NLGN1: variants seen among roughly 807,000 people sequenced by gnomAD.
NLGN1 encodes neuroligin-1.
Under a neutral mutation model 65.5 loss-of-function variants are expected in NLGN1, and 12 were observed. That is an observed-to-expected ratio of 0.18 (90% CI 0.12 to 0.30). The LOEUF (loss-of-function observed/expected upper bound fraction) is 0.30, where lower values mean the gene tolerates loss of function less well. Among genes scored for constraint, NLGN1 ranks in the 10% least tolerant of loss-of-function variants. NLGN1 has a pLI of 1.00. For missense variants in NLGN1, 750 were observed against 1,007.1 expected (o/e 0.74, Z 3.46); for synonymous variants, 350 against 359.5 (o/e 0.97, Z 0.30).
intron 3 of NLGN1, among the ~76,000 whole-genome samples, chr3:173,685,025 A>G (rs1476825455): frequency 2.0e-5 from 3 of 151,112 alleles, no homozygotes; most frequent in East Asian, 3.9e-4. Flanking sequence ...TGAATCCTCT[A>G]TGCCCGGTAT....
chr3:173,439,217 T>G (rs1049427788), intron 2 of NLGN1, among the ~76,000 whole-genome samples: 5 of 152,196 alleles, frequency 3.3e-5, no homozygotes, highest in African/African-American at 1.2e-4. Context: ...TCTTAACACC[T>G]GTTCAAGAAG....
At position 173,913,598 on chromosome 3, in the gene NLGN1, C is replaced by T. The variant is rs114316931; in HGVS notation, c.646+105766C>T. Among the ~76,000 whole-genome samples the T allele has an allele frequency of 3.3e-3, 499 of 152,228 alleles. 5 individuals carry two copies. The highest frequency in any genetic ancestry group is 0.011 in the African/African-American group (459 of 41,544). Reference sequence around the variant, plus strand: ...TCAGTGAATGCTGACATGCTTTCCTCTCTCAACATCCCAGCTAAACTGGCT... The same window carrying T: ...TCAGTGAATGCTGACATGCTTTCCTTTCTCAACATCCCAGCTAAACTGGCT... On this transcript the variant is annotated intron_variant, in intron 4 of 6. Coordinates refer to ENST00000457714, the Ensembl canonical transcript of NLGN1.
rs1474718743 is a variant in NLGN1 at position 174,284,953 on chromosome 3, TAAAAA to T, written c.*3651_*3655del. 3.3e-5 allele frequency: 5 copies of T among 151,298 alleles called. No individual in the cohort carries two copies. In the East Asian group the frequency reaches 9.7e-4, roughly 29 times the overall value. The allele number at this position is 151,298 out of a possible 1,614,324, so 9.4% of individuals were successfully genotyped here. A position where few individuals can be genotyped will look rare whatever the true frequency, so the allele number is the denominator to read the frequency against. On this transcript the variant is annotated 3_prime_UTR_variant, in exon 7 of 7. Coordinates refer to ENST00000457714, the Ensembl canonical transcript of NLGN1. ...AAAAATTATCAAGTATATATAATAT[TAAAAA>T]GAGGAAAACAGATGGCACTAATTTT... is the stretch of plus-strand genomic sequence containing the variant.
intron 2 of NLGN1, among the ~76,000 whole-genome samples, chr3:173,453,825 G>C (rs1020364501): frequency 1.3e-5 from 2 of 152,076 alleles, no homozygotes; most frequent in African/African-American, 4.8e-5. Context: ...ACTTCTTTCT[G>C]CTAATGTTTA....
chr3:173,635,050 A>G (rs2149559958), intron 3 of NLGN1, among the ~76,000 whole-genome samples: 1 of 152,290 alleles, frequency 6.6e-6, no homozygotes, highest in East Asian at 1.9e-4. Context: ...AAAAAAAGTT[A>G]ATAAAACTCT....
chr3:174,285,441 T>G (rs1232837117), exon 7 of NLGN1: 1 of 151,502 alleles, frequency 6.6e-6, no homozygotes, highest in Non-Finnish European at 1.5e-5. Context: ...ATCATTCATT[T>G]GATTATCTTG....
intron 4 of NLGN1, among the ~76,000 whole-genome samples, chr3:173,918,744 A>C (rs1741324954): frequency 6.9e-6 from 1 of 145,618 alleles, no homozygotes; most frequent in Admixed American, 7.0e-5. Flanking sequence ...CTTCTAGTCC[A>C]TTTATTGCCT....
chr3:173,585,225 G>C (rs1000971870), intron 2 of NLGN1, among the ~76,000 whole-genome samples: 1 of 152,118 alleles, frequency 6.6e-6, no homozygotes, highest in East Asian at 1.9e-4. Context: ...TGGCGTCGGT[G>C]GGGGAGCCAA....
At chr3:174,062,519 A>G (rs560091399) in intron 4 of NLGN1, among the ~76,000 whole-genome samples, 18 of 152,194 alleles carry the variant, frequency 1.2e-4, no homozygotes, top group African/African-American at 3.1e-4. Flanking sequence ...TTAAATGCCA[A>G]CTAAGAAGAC....
At chr3:173,514,143 A>G (rs924636140) in intron 2 of NLGN1, among the ~76,000 whole-genome samples, 5 of 152,234 alleles carry the variant, frequency 3.3e-5, no homozygotes, top group Non-Finnish European at 5.9e-5. Context: ...TGAATGAATC[A>G]TATGAGATTT....
intron 3 of NLGN1, among the ~76,000 whole-genome samples, chr3:173,781,198 A>G (rs1429647696): frequency 1.3e-5 from 2 of 151,690 alleles, no homozygotes; most frequent in African/African-American, 2.4e-5. Context: ...TAAAAATCCA[A>G]CCCATTTCTC....
intron 4 of NLGN1, among the ~76,000 whole-genome samples, chr3:173,986,394 A>G (rs1719927288): frequency 1.3e-5 from 2 of 151,846 alleles, no homozygotes; most frequent in Admixed American, 1.3e-4. Flanking sequence ...GCTCAAACCC[A>G]GGAGGCAGAG....
chr3:173,539,717 T>C (rs1458359298), intron 2 of NLGN1, among the ~76,000 whole-genome samples: 1 of 129,696 alleles, frequency 7.7e-6, no homozygotes, highest in East Asian at 2.2e-4. Flanking sequence ...TACATATATG[T>C]ACATATGCAC....
intron 3 of NLGN1, among the ~76,000 whole-genome samples, chr3:173,671,584 ACTT>A (rs1161094430): frequency 6.6e-6 from 1 of 152,178 alleles, no homozygotes. Context: ...TTGCAACAAT[ACTT>A]CTCCTGCCAC....
chr3:173,517,668 A>G lies in NLGN1; in HGVS notation c.-321+82590A>G, dbSNP rs918944326. On this transcript the variant is annotated intron_variant, in intron 2 of 6. Transcript: ENST00000457714. The stretch of plus-strand genomic sequence containing the variant: ...TACAGTCTATGTATTCTCAACATCT[A>G]TGTTTATATGTATGTGATTCTTTAA... Among the ~76,000 whole-genome samples the G allele has an allele frequency of 1.3e-5, 2 of 152,018 alleles. 1 individual carries two copies. The highest frequency in any genetic ancestry group is 2.9e-5 in the Non-Finnish European group (2 of 67,966).
At chr3:173,698,607 T>C (rs1053565466) in intron 3 of NLGN1, among the ~76,000 whole-genome samples, 1 of 152,196 alleles carries the variant, frequency 6.6e-6, no homozygotes, top group African/African-American at 2.4e-5. Context: ...CCGTGGAATA[T>C]ACAAAAAAAT....
At chr3:173,737,894 T>A (rs111302366) in intron 3 of NLGN1, among the ~76,000 whole-genome samples, 2,601 of 152,102 alleles carry the variant, frequency 0.017, 82 homozygotes, top group African/African-American at 0.06. Flanking sequence ...GGATTCCAAC[T>A]TCTCTGCATC....
intron 4 of NLGN1, among the ~76,000 whole-genome samples, chr3:174,175,449 T>C (rs765198739): frequency 1.2e-4 from 18 of 151,952 alleles, no homozygotes; most frequent in Non-Finnish European, 2.2e-4. Flanking sequence ...TAAATATAGC[T>C]ACTCCTGCTC....
intron 3 of NLGN1, among the ~76,000 whole-genome samples, chr3:173,621,505 T>C (rs1348860794): frequency 6.6e-6 from 1 of 151,982 alleles, no homozygotes; most frequent in East Asian, 1.9e-4. Context: ...CAAGTATGCA[T>C]TGATGGTTTT....
Sources: gnomAD v4.1 joint callset for allele counts (sites outside exome capture counted in the v4.1 genomes callset) on GRCh38, gnomAD v4.1.1 for gene constraint, MANE v1.5 for transcripts, NCBI Gene and HGNC (gene_info 2026-07-23, HGNC 2026-07-21) for gene names.